Variants in SLC35A1 observed in about 807,000 individuals in gnomAD.
The protein encoded by SLC35A1 is solute carrier family 35 member A1.
A neutral mutation model predicts 40.3 loss-of-function variants in SLC35A1; 21 were observed. The ratio of observed to expected loss-of-function variants is 0.52; its 90% confidence interval spans 0.37 to 0.75. SLC35A1 has a LOEUF of 0.75. Among genes scored for constraint, SLC35A1 ranks in the 30% least tolerant of loss-of-function variants. The pLI is 0.00. For synonymous variants in SLC35A1, 146 were observed against 147.3 expected, an observed-to-expected ratio of 0.99 and a Z score of 0.06; for missense variants, 297 against 382.1, an observed-to-expected ratio of 0.78 and a Z score of 1.86.
chr6:87,501,692 A>G (rs1769927603), intron 4 of SLC35A1, among the ~76,000 whole-genome samples: 1 of 152,176 alleles, frequency 6.6e-6, no homozygotes, highest in Non-Finnish European at 1.5e-5. Flanking sequence ...ACCTCTTTCA[A>G]ACATCTCAGA....
chr6:87,490,562 G>C (rs1769518824), intron 2 of SLC35A1, among the ~76,000 whole-genome samples: 1 of 151,874 alleles, frequency 6.6e-6, no homozygotes, highest in Non-Finnish European at 1.5e-5. Context: ...TCGAACTCCT[G>C]ACCTCATGAT....
At chr6:87,493,681 G>C (rs1372251333) in intron 2 of SLC35A1, among the ~76,000 whole-genome samples, 6 of 151,982 alleles carry the variant, frequency 3.9e-5, no homozygotes, top group Admixed American at 1.3e-4. Flanking sequence ...ATATTTACCT[G>C]AGAAAAAAAC....
chr6:87,483,566 G>T (rs139801289), intron 2 of SLC35A1, among the ~76,000 whole-genome samples: 2 of 152,058 alleles, frequency 1.3e-5, no homozygotes, highest in Non-Finnish European at 2.9e-5. Context: ...TTAGCGGAAG[G>T]CTCAACCCAT....
At chr6:87,482,254 T>C (rs1055735833) in intron 2 of SLC35A1, among the ~76,000 whole-genome samples, 1 of 138,738 alleles carries the variant, frequency 7.2e-6, no homozygotes, top group Non-Finnish European at 1.6e-5. Flanking sequence ...CTCCTTTTTT[T>C]TCCCCCAAGA....
chr6:87,483,207 CTCTT>C (rs1023624698), intron 2 of SLC35A1, among the ~76,000 whole-genome samples: 1 of 152,002 alleles, frequency 6.6e-6, no homozygotes, highest in Non-Finnish European at 1.5e-5. Flanking sequence ...CTGTCTCTTT[CTCTT>C]TCTCTCTCTC....
chr6:87,492,581 C>T (rs149464290), intron 2 of SLC35A1, among the ~76,000 whole-genome samples: 1,892 of 123,046 alleles, frequency 0.015, 31 homozygotes, highest in Non-Finnish European at 0.021. Context: ...GAGTTTCACT[C>T]TTGTTGCCCA....
At chr6:87,509,723 A>C (rs1325760740) in intron 7 of SLC35A1, among the ~76,000 whole-genome samples, 1 of 152,182 alleles carries the variant, frequency 6.6e-6, no homozygotes, top group African/African-American at 2.4e-5. Flanking sequence ...AATTAATACA[A>C]AACTCATTAA....
chr6:87,486,072 AT>A (rs1314439638), intron 2 of SLC35A1, among the ~76,000 whole-genome samples: 1 of 152,158 alleles, frequency 6.6e-6, no homozygotes, highest in Non-Finnish European at 1.5e-5. Flanking sequence ...TAGAACTTCA[AT>A]TTTTTTGGAA....
intron 2 of SLC35A1, among the ~76,000 whole-genome samples, chr6:87,493,557 T>G (rs1769624411): frequency 6.6e-6 from 1 of 152,184 alleles, no homozygotes; most frequent in African/African-American, 2.4e-5. Context: ...AAACTTCTCC[T>G]TACCCATGTT....
chr6:87,501,195 G>T lies in SLC35A1; in HGVS notation c.392G>T (p.Cys131Phe). The T allele has an allele frequency of 6.2e-7, 1 of 1,613,682 alleles. No homozygotes were observed. Among genetic ancestry groups the T allele is most frequent in the East Asian group, 2.2e-5 (1 of 44,870 alleles). ...TTGAAGATTCCGTGTACTGCTTTAT[G>T]CACTGTTTTAATGTTAAACCGGACA... ...YQLKIPCTAL[C>F]TVLMLNRTLS... The change falls in exon 4 of 8, where the codon TGC becomes TTC. Residue 131 changes from cysteine (C) to phenylalanine (F), a missense_variant. Physicochemically the swap from Cys to Phe is radical, Grantham distance 205. Transcript: ENST00000369552.
At chr6:87,510,015 G>A (rs575216248) in intron 7 of SLC35A1, among the ~76,000 whole-genome samples, 2 of 152,308 alleles carry the variant, frequency 1.3e-5, no homozygotes, top group South Asian at 4.1e-4. Context: ...TAGTGTTGTA[G>A]AAATTTTAGA....
chr6:87,486,342 C>G (rs1026320754), intron 2 of SLC35A1, among the ~76,000 whole-genome samples: 8 of 152,120 alleles, frequency 5.3e-5, no homozygotes, highest in African/African-American at 1.9e-4. Context: ...GTGTTTCATT[C>G]CTTCCAAACA....
chr6:87,493,129 A>G (rs911840035), intron 2 of SLC35A1, among the ~76,000 whole-genome samples: 2 of 152,090 alleles, frequency 1.3e-5, no homozygotes, highest in Non-Finnish European at 2.9e-5. Flanking sequence ...TTATGTGAAC[A>G]TGGACTCAAG....
At chr6:87,492,267 TG>T (rs2127969785) in intron 2 of SLC35A1, among the ~76,000 whole-genome samples, 1 of 152,284 alleles carries the variant, frequency 6.6e-6, no homozygotes, top group East Asian at 1.9e-4. Context: ...TTATTTTTCT[TG>T]GACTTCAGTC....
At chr6:87,500,962 T>A (rs753919375) in intron 3 of SLC35A1, among the ~76,000 whole-genome samples, 196 bp from the exon 4 acceptor site, 2 of 152,144 alleles carry the variant, frequency 1.3e-5, no homozygotes, top group African/African-American at 4.8e-5. Context: ...TTGGCCATGA[T>A]GGTCTTGATC....
At chr6:87,508,258 C>G (rs767101681) in intron 5 of SLC35A1, among the ~76,000 whole-genome samples, 162 bp from the exon 6 acceptor site, 1 of 152,096 alleles carries the variant, frequency 6.6e-6, no homozygotes, top group Admixed American at 6.6e-5. Context: ...TACAGTATGT[C>G]ATGTGTCACA....
At chr6:87,509,292 T>C (rs1252819574) in intron 7 of SLC35A1, 117 bp downstream of exon 7, 4 of 1,273,338 alleles carry the variant, frequency 3.1e-6, no homozygotes, top group Non-Finnish European at 4.5e-6. Flanking sequence ...ATTCCTAGCT[T>C]TGTTACTACA....
intron 4 of SLC35A1, among the ~76,000 whole-genome samples, chr6:87,501,513 T>TA (rs1769923398): frequency 6.6e-6 from 1 of 152,216 alleles, no homozygotes; most frequent in Non-Finnish European, 1.5e-5. Context: ...AGAATATGCA[T>TA]AAAATATGTT....
chr6:87,499,189 A>G (rs1376729472), intron 2 of SLC35A1: 2 of 864,616 alleles, frequency 2.3e-6, no homozygotes, highest in Non-Finnish European at 2.8e-6. Context: ...AATATAATGG[A>G]CTTTTGCTTT....
Sources: gnomAD v4.1 joint callset for allele counts (sites outside exome capture counted in the v4.1 genomes callset) on GRCh38, gnomAD v4.1.1 for gene constraint, MANE v1.5 for transcripts, NCBI Gene and HGNC (gene_info 2026-07-23, HGNC 2026-07-21) for gene names.